Variants in CFAP47 observed in about 807,000 individuals in gnomAD.
CFAP47 encodes the protein cilia- and flagella-associated protein 47.
Under a neutral mutation model 148.1 loss-of-function variants are expected in CFAP47, and 29 were observed. The observed-to-expected ratio is 0.20, with a 90% CI of 0.15 to 0.27. The LOEUF is 0.27. Ranked by LOEUF, CFAP47 falls within the 10% of genes least tolerant of loss-of-function variation. CFAP47 has a pLI of 1.00. For synonymous variants in CFAP47, 664 were observed against 577.3 expected (o/e 1.15, Z -2.15); for missense variants, 1,872 against 1,697.5 (o/e 1.10, Z -1.81).
rs904270395 is a variant in CFAP47 at position 36,285,742 on chromosome X, A to T, written c.7686+16A>T. 4 of 1,127,149 alleles carry T rather than the reference A, an allele frequency of 3.5e-6. No homozygotes were observed. In the African/African-American group the frequency reaches 5.5e-5, roughly 16 times the overall value. 92.9% of individuals were successfully genotyped at this position (1,127,149 alleles called of 1,213,427 possible). ...TATTGCTCTGGTAAGTGCCCATTGC[A>T]TGTTCATAGACTCTGTCATTTTGTG... On this transcript the variant is annotated intron_variant, in intron 51 of 63. Transcript: ENST00000378653.
In CFAP47 at chrX:36,063,105, A is replaced by G. The variant is rs138199105; in HGVS notation, c.4218-2538A>G. On this transcript the variant is annotated intron_variant, in intron 26 of 63. Transcript: ENST00000378653. ...ATTTTAAATCACATATGCCTGAGGT[A>G]GCTATTTAAATCTTATAATGGAATT... is the stretch of plus-strand genomic sequence containing the variant. Among the ~76,000 whole-genome samples the G allele has an allele frequency of 3.0e-4, 34 of 111,915 alleles. No homozygotes were observed. The Middle Eastern group carries it at 0.014, about 46-fold the overall frequency.
chrX:36,000,348 C>G lies in CFAP47; in HGVS notation c.3243C>G (p.Asn1081Lys), dbSNP rs1748705724. The change falls in exon 20 of 64, where the codon AAC (asparagine) becomes AAG (lysine). Residue 1081 changes from asparagine (N) to lysine (K), a missense_variant. Physicochemically the swap from Asn to Lys is moderately conservative, Grantham distance 94. Coordinates refer to ENST00000378653, the MANE Select transcript of CFAP47 (RefSeq NM_001304548.2). ...AGATTATTCCATTTGTAATAAAAAACAAAGGTATAACACGTGCCAGAGTGG... is the reference window on the plus strand; with the variant it reads ...AGATTATTCCATTTGTAATAAAAAAGAAAGGTATAACACGTGCCAGAGTGG... ...GTQIIPFVIK[N>K]KGITRARVEF... 3.4e-6 allele frequency: 1 copy of G among 294,023 alleles called. No homozygotes were observed. The highest frequency in any genetic ancestry group is 5.9e-6 in the Non-Finnish European group (1 of 168,988). The allele number at this position is 294,023 out of a possible 1,213,427, so 24.2% of individuals were successfully genotyped here.
chrX:36,083,371 G>A lies in CFAP47; in HGVS notation c.4692-1943G>A, dbSNP rs756759868. Among the ~76,000 whole-genome samples the A allele has an allele frequency of 5.5e-5, 6 of 109,839 alleles. No individual in the cohort carries two copies. In the East Asian group the frequency reaches 1.7e-3, roughly 31 times the overall value. On this transcript the variant is annotated intron_variant, in intron 29 of 63. Transcript: ENST00000378653. The stretch of plus-strand genomic sequence containing the variant: ...ATGTATATATATGCACATATATATA[G>A]CATAGCATGCTTTTCTCTTTGCAGC...
intron 30 of CFAP47, among the ~76,000 whole-genome samples, chrX:36,091,247 A>G (rs1177687730): frequency 5.4e-5 from 6 of 111,459 alleles, no homozygotes; most frequent in African/African-American, 2.0e-4. Context: ...AATAAATAAC[A>G]TGTAGGCTCC....
At chrX:36,248,005 A>G (rs1011564406) in intron 48 of CFAP47, among the ~76,000 whole-genome samples, 1 of 110,310 alleles carries the variant, frequency 9.1e-6, no homozygotes, top group Admixed American at 9.8e-5. Context: ...TATTTCAGAA[A>G]TCAAATGACT....
intron 39 of CFAP47, among the ~76,000 whole-genome samples, chrX:36,172,373 T>C: frequency 9.3e-6 from 1 of 107,562 alleles, no homozygotes; most frequent in Non-Finnish European, 1.9e-5. Context: ...CCCTGTCTTG[T>C]GCCAGTTTTC....
At chrX:36,102,208 T>A (rs59502651) in intron 32 of CFAP47, among the ~76,000 whole-genome samples, 2,935 of 111,569 alleles carry the variant, frequency 0.026, 97 homozygotes, top group African/African-American at 0.091. Context: ...ATCACAAAAT[T>A]TGATTTACCC....
chrX:36,083,411 A>G (rs771655472), intron 29 of CFAP47, among the ~76,000 whole-genome samples: 14 of 110,988 alleles, frequency 1.3e-4, no homozygotes, highest in African/African-American at 4.6e-4. Flanking sequence ...AGCTGCTGGC[A>G]AGCTCACTGA....
chrX:36,184,039 C>T (rs958692295), intron 40 of CFAP47, among the ~76,000 whole-genome samples: 1 of 110,157 alleles, frequency 9.1e-6, no homozygotes, highest in Non-Finnish European at 1.9e-5. Flanking sequence ...CTCGAGGAAC[C>T]AATCATCAAG....
intron 39 of CFAP47, among the ~76,000 whole-genome samples, chrX:36,171,618 C>T (rs1482113777): frequency 8.1e-5 from 9 of 110,638 alleles, no homozygotes; most frequent in Non-Finnish European, 9.5e-5. Flanking sequence ...AGATATGTGG[C>T]GTTATTTCTG....
intron 49 of CFAP47, among the ~76,000 whole-genome samples, chrX:36,268,917 C>A (rs1940926681): frequency 8.9e-6 from 1 of 111,737 alleles, no homozygotes. Context: ...TGATAATTTT[C>A]TAAATGTCAG....
rs1187698328 is a variant in CFAP47 at position 36,073,197 on chromosome X, T to A, written c.4524T>A (p.Asp1508Glu). 1.7e-6 allele frequency: 2 copies of A among 1,210,347 alleles called. No individual in the cohort carries two copies. The highest frequency in any genetic ancestry group is 4.4e-5 in the Admixed American group (2 of 45,941). Residue 1508 changes from aspartate (D) to glutamate (E), a missense_variant, in exon 29 of 64, where the codon GAT (aspartate) becomes GAA (glutamate). Asp to Glu is a conservative substitution (Grantham distance 45). Transcript: ENST00000378653. ...ATGAAAGTGAAACATCAGAGGAAGA[T>A]CATGGGTCTCTGGAAAAGGAAAAAT... ...HLDESETSEEDHGSLEKEKYE... is the reference protein window; with the variant it reads ...HLDESETSEEEHGSLEKEKYE...
chrX:35,948,249 A>C (rs1936112909), intron 3 of CFAP47, 65 bp from the exon 4 acceptor site: 2 of 1,013,016 alleles, frequency 2.0e-6, no homozygotes, highest in South Asian at 4.4e-5. Context: ...TTGGTCCCCT[A>C]CTGAGAGTGT....
chrX:36,304,192 C>G (rs782625851), intron 54 of CFAP47, among the ~76,000 whole-genome samples: 683 of 110,280 alleles, frequency 6.2e-3, no homozygotes, highest in African/African-American at 0.022. Context: ...GACCAGCCTG[C>G]CCAACATGGC....
intron 61 of CFAP47, among the ~76,000 whole-genome samples, chrX:36,362,357 A>C (rs1266976515): frequency 9.0e-6 from 1 of 111,494 alleles, no homozygotes; most frequent in Admixed American, 9.5e-5. Flanking sequence ...TGTTTTTCCC[A>C]TGTTTATGTC....
chrX:36,086,109 C>T (rs6632476), intron 30 of CFAP47, among the ~76,000 whole-genome samples: 1 of 110,903 alleles, frequency 9.0e-6, no homozygotes, highest in Non-Finnish European at 1.9e-5. Flanking sequence ...AGTAGGAAGG[C>T]GAAAGGAATT....
At chrX:36,061,709 T>C (rs1396510481) in intron 26 of CFAP47, among the ~76,000 whole-genome samples, 1 of 112,122 alleles carries the variant, frequency 8.9e-6, no homozygotes, top group African/African-American at 3.2e-5. Flanking sequence ...TCAAGGAAGT[T>C]TGTTTTGTGT....
chrX:36,267,680 G>A (rs1052352277), intron 49 of CFAP47, among the ~76,000 whole-genome samples: 2 of 110,693 alleles, frequency 1.8e-5, no homozygotes, highest in Non-Finnish European at 3.8e-5. Context: ...GGGTTTCACC[G>A]TGTTAGCCAG....
intron 22 of CFAP47, among the ~76,000 whole-genome samples, chrX:36,025,737 A>T (rs1330089410): frequency 4.5e-5 from 5 of 112,232 alleles, no homozygotes; most frequent in Non-Finnish European, 9.4e-5. Context: ...TTTTAATTGT[A>T]TATTTTTATG....
Sources: gnomAD v4.1 joint callset for allele counts (sites outside exome capture counted in the v4.1 genomes callset) on GRCh38, gnomAD v4.1.1 for gene constraint, MANE v1.5 for transcripts, NCBI Gene and HGNC (gene_info 2026-07-23, HGNC 2026-07-21) for gene names.